GYS1: variants seen among roughly 807,000 people sequenced by gnomAD.
GYS1 encodes glycogen synthase 1.
Under a neutral mutation model 89.1 loss-of-function variants are expected in GYS1, and 60 were observed. The ratio of observed to expected loss-of-function variants is 0.67; its 90% confidence interval spans 0.55 to 0.84. The LOEUF (loss-of-function observed/expected upper bound fraction) is 0.84, where lower values mean the gene tolerates loss of function less well. GYS1 is among the 40% of genes least tolerant of loss of function. The pLI is 0.00. For synonymous variants in GYS1, 366 were observed against 401.7 expected (o/e 0.91, Z 1.06); for missense variants, 888 against 1,003.1 (o/e 0.89, Z 1.55).
intron 5 of GYS1, among the ~76,000 whole-genome samples, chr19:48,984,746 T>G (rs985605166): frequency 4.6e-5 from 7 of 151,818 alleles, no homozygotes; most frequent in Admixed American, 2.0e-4. Flanking sequence ...CCAGGCGTGG[T>G]GGCAGGCGCG....
At chr19:48,984,454 G>A (rs536317810) in intron 5 of GYS1, among the ~76,000 whole-genome samples, 3 of 149,820 alleles carry the variant, frequency 2.0e-5, no homozygotes, top group East Asian at 4.1e-4. Flanking sequence ...GGAGTGCAGT[G>A]GTGTGATCTC....
chr19:48,982,683 C>T (rs1369245932), intron 6 of GYS1, 37 bp downstream of exon 6: 5 of 1,393,572 alleles, frequency 3.6e-6, no homozygotes, highest in South Asian at 3.5e-5. Flanking sequence ...CTCCCAACGC[C>T]CTCCTCTCTT....
chr19:48,984,909 T>C (rs949065519), intron 5 of GYS1, among the ~76,000 whole-genome samples: 5 of 152,016 alleles, frequency 3.3e-5, no homozygotes, highest in African/African-American at 1.2e-4. Context: ...AAAAATAAAA[T>C]AAAACAGATT....
intron 3 of GYS1, among the ~76,000 whole-genome samples, chr19:48,986,850 T>TCAAAAC (rs1474718899): frequency 6.6e-6 from 1 of 152,046 alleles, no homozygotes; most frequent in Non-Finnish European, 1.5e-5. Context: ...CAAAACCAGG[T>TCAAAAC]CAGGCTGGGG....
intron 10 of GYS1, among the ~76,000 whole-genome samples, chr19:48,976,977 C>A (rs1013428632): frequency 6.6e-6 from 1 of 151,916 alleles, no homozygotes; most frequent in African/African-American, 2.4e-5. Context: ...TTGGTAGAGA[C>A]AGGGTTTCAT....
rs1413698072 is a variant in GYS1, at chr19:48,970,527, AG to A, written c.1809+18del. On this transcript the variant is annotated intron_variant, in intron 14 of 15. Transcript: ENST00000323798. ...AGCTGCTGATTTGCCAGGAGAGGAT[AG>A]GAAAGTGGGGGTCCTACCCGGCCTA... 5.0e-6 allele frequency: 8 copies of A among 1,610,700 alleles called. No homozygotes were observed. Among genetic ancestry groups the A allele is most frequent in the Non-Finnish European group, 6.8e-6 (8 of 1,177,700 alleles).
Position 48,968,361 on chromosome 19 carries a change from A to G in GYS1, c.*927T>C. Reference sequence around the variant, plus strand: ...TGACCTCAGTTCTGGATCATGGGAAAGGGATCAGTATGCAGTAACGTGGTA... The same window carrying G: ...TGACCTCAGTTCTGGATCATGGGAAGGGGATCAGTATGCAGTAACGTGGTA... On this transcript the variant is annotated 3_prime_UTR_variant, in exon 16 of 16. Coordinates refer to ENST00000323798, the MANE Select transcript of GYS1 (RefSeq NM_002103.5). 2.2e-6 allele frequency: 1 copy of G among 454,398 alleles called. No homozygotes were observed. Among genetic ancestry groups the G allele is most frequent in the East Asian group, 6.9e-5 (1 of 14,396 alleles). 28.1% of individuals were successfully genotyped at this position (454,398 alleles called of 1,614,324 possible). A position where few individuals can be genotyped will look rare whatever the true frequency, so the allele number is the denominator to read the frequency against.
In GYS1 at chr19:48,993,151, A is replaced by ACCT; in HGVS notation, c.-40_-39insAGG. 1 of 1,169,270 alleles carries ACCT rather than the reference A, an allele frequency of 8.6e-7. No homozygotes were observed. The highest frequency in any genetic ancestry group is 1.3e-6 in the Non-Finnish European group (1 of 774,896). The allele number at this position is 1,169,270 out of a possible 1,614,324, so 72.4% of individuals were successfully genotyped here. ...AGGGGGGCTCCGGGGATCTCCAGGT[A>ACCT]GGGACCCCGGAGGTGTCTAGGGAAT... On this transcript the variant is annotated 5_prime_UTR_variant, in exon 1 of 16. Transcript: ENST00000323798.
At chr19:48,989,751 T>A (rs957257395) in intron 2 of GYS1, among the ~76,000 whole-genome samples, 4 of 152,012 alleles carry the variant, frequency 2.6e-5, no homozygotes, top group Admixed American at 6.6e-5. Context: ...ACATAGCCCA[T>A]CCTCTGTCCG....
intron 13 of GYS1, 26 bp from the exon 14 acceptor site, chr19:48,970,735 G>A: frequency 1.9e-6 from 3 of 1,610,062 alleles, no homozygotes; most frequent in East Asian, 2.2e-5. Context: ...CCCAGGTTCA[G>A]AAAACATCCT....
chr19:48,976,046 G>T (rs964830060), intron 10 of GYS1, among the ~76,000 whole-genome samples: 8 of 151,978 alleles, frequency 5.3e-5, no homozygotes, highest in African/African-American at 1.9e-4. Context: ...CCTGAGGACT[G>T]CTGGGGTGTA....
rs995940133 is a variant in GYS1 at position 48,969,159 on chromosome 19, G to A, written c.*129C>T. 7.6e-6 allele frequency: 6 copies of A among 788,734 alleles called. No homozygotes were observed. Among genetic ancestry groups the A allele is most frequent in the Admixed American group, 2.6e-5 (1 of 38,268 alleles). 48.9% of individuals were successfully genotyped at this position (788,734 alleles called of 1,614,324 possible). A position where few individuals can be genotyped will look rare whatever the true frequency, so the allele number is the denominator to read the frequency against. On this transcript the variant is annotated 3_prime_UTR_variant, in exon 16 of 16. Coordinates refer to ENST00000323798, the MANE Select transcript of GYS1 (RefSeq NM_002103.5). ...AGCTGGAGGGGGTGGAGTGTTTGGC[G>A]GACTGGGTGGGGGCACTGCGGGGCC...
chr19:48,992,006 G>A (rs2038939710), intron 1 of GYS1, among the ~76,000 whole-genome samples: 1 of 152,028 alleles, frequency 6.6e-6, no homozygotes, highest in African/African-American at 2.4e-5. Context: ...GGACCTTGCT[G>A]ACCTGCCTCC....
rs7257480 is a variant in GYS1, at chr19:48,987,668, A to G, written c.301-283T>C. 0.019 allele frequency among the ~76,000 whole-genome samples: 2,915 copies of G among 151,386 alleles called. 89 individuals carry two copies. Among genetic ancestry groups the G allele is most frequent in the African/African-American group, 0.062 (2,560 of 41,178 alleles). On this transcript the variant is annotated intron_variant, in intron 2 of 15. Coordinates refer to ENST00000323798, the MANE Select transcript of GYS1 (RefSeq NM_002103.5). ...TTTCTTTTTTTTGAGATGGAGTCTC[A>G]CTCTGTGGCCCAGGCTGGAGTGCAG... is the stretch of plus-strand genomic sequence containing the variant.
At chr19:48,977,825 C>T in intron 10 of GYS1, 99 bp downstream of exon 10, 1 of 872,914 alleles carries the variant, frequency 1.1e-6, no homozygotes, top group South Asian at 1.3e-5. Flanking sequence ...CAGGAGAAAG[C>T]AGGACTCCCA....
rs748554746 is a variant in GYS1 at position 48,993,269 on chromosome 19, G to A, written c.-157C>T. ...TATTGCAAGACCGCACCCCTGCCCCGAAGCGTTGGGACCTAGGCAGAAGGA... is the reference window on the plus strand; with the variant it reads ...TATTGCAAGACCGCACCCCTGCCCCAAAGCGTTGGGACCTAGGCAGAAGGA... On this transcript the variant is annotated 5_prime_UTR_variant, in exon 1 of 16. Coordinates refer to ENST00000323798, the MANE Select transcript of GYS1 (RefSeq NM_002103.5). 5.8e-5 allele frequency: 42 copies of A among 729,102 alleles called. No homozygotes were observed. The Middle Eastern group carries it at 1.5e-3, about 25-fold the overall frequency. 45.2% of individuals were successfully genotyped at this position (729,102 alleles called of 1,614,324 possible).
chr19:48,984,286 T>C (rs2122514776), intron 5 of GYS1, among the ~76,000 whole-genome samples: 1 of 152,046 alleles, frequency 6.6e-6, no homozygotes, highest in South Asian at 2.1e-4. Context: ...GGATTACAGG[T>C]GTAAGCCACC....
rs143186691 is a variant in GYS1 at position 48,991,351 on chromosome 19, G to A, written c.251C>T (p.Thr84Ile). The A allele has an allele frequency of 5.2e-5, 84 of 1,613,962 alleles. No individual in the cohort carries two copies. Among genetic ancestry groups the A allele is most frequent in the Non-Finnish European group, 6.5e-5 (77 of 1,180,044 alleles). ...ATCCAGTGTCCTCTTCAGGGCCGGG[G>A]TGGGGGCCTCCAGCAGTTCCACCTG... Reference protein sequence around the residue: ...RTQVELLEAPTPALKRTLDSM... With the variant: ...RTQVELLEAPIPALKRTLDSM... The change falls in exon 2 of 16, where the codon ACC (threonine) becomes ATC (isoleucine). Residue 84 changes from threonine (T) to isoleucine (I), a missense_variant. Coordinates refer to ENST00000323798, the MANE Select transcript of GYS1 (RefSeq NM_002103.5). The surrounding 1 kb of genome is among the most constrained non-coding windows in gnomAD (Gnocchi z 4.7).
At chr19:48,989,324 T>C (rs1379055040) in intron 2 of GYS1, among the ~76,000 whole-genome samples, 1 of 151,278 alleles carries the variant, frequency 6.6e-6, no homozygotes, top group Non-Finnish European at 1.5e-5. Flanking sequence ...TCTACTAAAA[T>C]ACAAAAAATT....
Sources: allele counts gnomAD v4.1 joint callset (sites outside exome capture counted in the v4.1 genomes callset), GRCh38; gene constraint gnomAD v4.1.1; non-coding constraint Gnocchi (gnomAD v3.1); transcripts MANE v1.5; gene names NCBI Gene and HGNC (gene_info 2026-07-23, HGNC 2026-07-21).